Variants in SPAM1 observed in about 807,000 individuals in gnomAD.
SPAM1 encodes sperm adhesion molecule 1, also known as hyaluronidase PH-20.
SPAM1 carries 22 observed loss-of-function variants against 29.6 expected under a neutral mutation model. That is an observed-to-expected ratio of 0.74 (90% CI 0.53 to 1.06). The LOEUF (loss-of-function observed/expected upper bound fraction) is 1.06. Ranked by LOEUF, SPAM1 falls within the 50% of genes least tolerant of loss-of-function variation. SPAM1 has a pLI of 0.00. For missense variants in SPAM1, 534 were observed against 604.0 expected, an observed-to-expected ratio of 0.88 and a Z score of 1.21; for synonymous variants, 194 against 204.6, an observed-to-expected ratio of 0.95 and a Z score of 0.44.
At chr7:123,948,966 T>G (rs1163815929) in intron 1 of SPAM1, among the ~76,000 whole-genome samples, 1 of 139,882 alleles carries the variant, frequency 7.1e-6, no homozygotes. Context: ...AGCCAAGAAA[T>G]TTGGCTCTTT....
At chr7:123,937,339 C>G (rs192437197) in intron 1 of SPAM1, among the ~76,000 whole-genome samples, 1 of 152,132 alleles carries the variant, frequency 6.6e-6, no homozygotes. Flanking sequence ...CGGTGGCTCA[C>G]GCCTGTAATC....
chr7:123,935,951 A>G (rs758862658), intron 1 of SPAM1, among the ~76,000 whole-genome samples: 3 of 152,118 alleles, frequency 2.0e-5, no homozygotes, highest in Non-Finnish European at 4.4e-5. Flanking sequence ...AAGCAATTAA[A>G]TTTACTTTAT....
At position 123,960,012 on chromosome 7, in the gene SPAM1, T is replaced by C; in HGVS notation, c.*43T>C. On this transcript the variant is annotated 3_prime_UTR_variant, in exon 5 of 5. Coordinates refer to ENST00000682466, the MANE Select transcript of SPAM1 (RefSeq NM_153189.3). ...AATGAACAATATGTCCATCTTAAAG[T>C]GTGCTTTTTCGACTAATTAAATCTT... 6.5e-7 allele frequency: 1 copy of C among 1,532,350 alleles called. No homozygotes were observed. Among genetic ancestry groups the C allele is most frequent in the Admixed American group, 2.1e-5 (1 of 47,666 alleles). 94.9% of individuals were successfully genotyped at this position (1,532,350 alleles called of 1,614,324 possible).
chr7:123,944,066 G>T (rs139538579), intron 1 of SPAM1, among the ~76,000 whole-genome samples: 5 of 152,066 alleles, frequency 3.3e-5, no homozygotes, highest in African/African-American at 1.2e-4. Flanking sequence ...TTGCTTCAGC[G>T]TGCCTTCAAC....
Position 123,959,634 on chromosome 7 carries a change from C to A in SPAM1, c.1195C>A (p.His399Asn). 6.2e-7 allele frequency: 1 copy of A among 1,613,284 alleles called. No homozygotes were observed. Among genetic ancestry groups the A allele is most frequent in the Non-Finnish European group, 8.5e-7 (1 of 1,179,546 alleles). Residue 399 changes from histidine (H) to asparagine (N), a missense_variant, in exon 5 of 5, where the codon CAC becomes AAC. His to Asn is a moderately conservative substitution (Grantham distance 68, BLOSUM62 1). Transcript: ENST00000682466. ...AAACTGGAATTCAAGTGACTATCTT[C>A]ACCTCAACCCAGATAATTTTGCTAT... ...RKNWNSSDYL[H>N]LNPDNFAIQL...
intron 1 of SPAM1, among the ~76,000 whole-genome samples, chr7:123,936,119 G>A (rs1416676203): frequency 1.3e-5 from 2 of 152,208 alleles, no homozygotes; most frequent in Non-Finnish European, 2.9e-5. Flanking sequence ...TTTGTTGTAA[G>A]ACTAACAAGT....
chr7:123,966,583 A>T (rs1792427986), intron 5 of SPAM1, among the ~76,000 whole-genome samples: 1 of 152,020 alleles, frequency 6.6e-6, no homozygotes, highest in South Asian at 2.1e-4. Flanking sequence ...GAATACTATG[A>T]AGCTATAAAA....
intron 1 of SPAM1, among the ~76,000 whole-genome samples, chr7:123,942,974 C>T (rs2117041476): frequency 6.6e-6 from 1 of 152,256 alleles, no homozygotes; most frequent in South Asian, 2.1e-4. Flanking sequence ...AGCATACTTG[C>T]AACTAGTTTC....
chr7:123,962,046 G>A (rs549918672), downstream of SPAM1, among the ~76,000 whole-genome samples: 1 of 152,068 alleles, frequency 6.6e-6, no homozygotes, highest in Admixed American at 6.6e-5. Context: ...ATTTGAGTGG[G>A]CTCACAGCCA....
At position 123,942,186 on chromosome 7, in the gene SPAM1, A is replaced by G. The variant is rs528382714; in HGVS notation, c.-318-7686A>G. Among the ~76,000 whole-genome samples the G allele has an allele frequency of 5.3e-5, 8 of 152,350 alleles. No homozygotes were observed. The South Asian group carries it at 1.4e-3, about 28-fold the overall frequency. On this transcript the variant is annotated intron_variant, in intron 1 of 4. Transcript: ENST00000682466. ...TTTTAGTGATTTCAAATCAGGAAAA[A>G]TGGGGAAAAAGAGGAATAGAAGAAA...
At chr7:123,947,701 C>T (rs2117049353) in intron 1 of SPAM1, 1 of 152,160 alleles carries the variant, frequency 6.6e-6, no homozygotes, top group South Asian at 2.1e-4. Flanking sequence ...TCTCACCCAA[C>T]AGGTTAAATA....
chr7:123,960,155 C>T, downstream of SPAM1: 3 of 752,784 alleles, frequency 4.0e-6, no homozygotes, highest in East Asian at 2.8e-5. Flanking sequence ...TATGAATTCT[C>T]AACCATGAGT....
In SPAM1 at chr7:123,953,669, C is replaced by T. The variant is rs1584958501; in HGVS notation, c.99C>T (p.Cys33=). Reference sequence around the variant, plus strand: ...TCACCTTCCTTCTGATTCCATGTTGCTTGACTCTGAATTTCAGAGCACCTC... The same window carrying T: ...TCACCTTCCTTCTGATTCCATGTTGTTTGACTCTGAATTTCAGAGCACCTC... The part of the protein sequence containing the change: ...IVFTFLLIPC[C]LTLNFRAPPV... The change falls in exon 3 of 5, where the codon TGC becomes TGT. Residue 33 remains cysteine (C), a synonymous_variant. Transcript: ENST00000682466. 2.5e-6 allele frequency: 4 copies of T among 1,613,310 alleles called. No individual in the cohort carries two copies. The East Asian group carries it at 8.9e-5, about 36-fold the overall frequency.
At chr7:123,925,585 C>CTA (rs1807852072) in intron 1 of SPAM1, 1 of 152,018 alleles carries the variant, frequency 6.6e-6, no homozygotes, top group South Asian at 2.1e-4. Context: ...CTGATTCAAT[C>CTA]TATAAAGAAA....
intron 5 of SPAM1, among the ~76,000 whole-genome samples, chr7:123,967,617 G>A (rs1344172592): frequency 4.0e-5 from 6 of 151,688 alleles, no homozygotes; most frequent in Non-Finnish European, 8.8e-5. Flanking sequence ...CACATGTGTG[G>A]GTGTATGCAT....
chr7:123,939,593 C>T (rs1357447589), intron 1 of SPAM1, among the ~76,000 whole-genome samples: 1 of 152,136 alleles, frequency 6.6e-6, no homozygotes, highest in African/African-American at 2.4e-5. Flanking sequence ...ACATCAAATT[C>T]GTTTAGTTAA....
chr7:123,949,782 ATAAGAGCT>A (rs1223811566), intron 1 of SPAM1, 82 bp from the exon 2 acceptor site: 1 of 152,156 alleles, frequency 6.6e-6, no homozygotes, highest in African/African-American at 2.4e-5. Flanking sequence ...TACAACAGGA[ATAAGAGCT>A]TAAGTAGAAT....
chr7:123,948,682 A>G (rs1808667141), intron 1 of SPAM1, among the ~76,000 whole-genome samples: 1 of 152,070 alleles, frequency 6.6e-6, no homozygotes, highest in African/African-American at 2.4e-5. Flanking sequence ...CTTTTTCAAT[A>G]TTTGTCCATA....
chr7:123,956,935 AGAGAGC>A (rs1401327376), intron 4 of SPAM1, among the ~76,000 whole-genome samples: 2 of 151,966 alleles, frequency 1.3e-5, no homozygotes, highest in African/African-American at 4.8e-5. Flanking sequence ...CTTACCTATT[AGAGAGC>A]CAATTTTAAT....
Sources: allele counts gnomAD v4.1 joint callset (sites outside exome capture counted in the v4.1 genomes callset), GRCh38; gene constraint gnomAD v4.1.1; transcripts MANE v1.5; gene names NCBI Gene and HGNC (gene_info 2026-07-23, HGNC 2026-07-21).